Variants in SLIT3 observed in about 807,000 individuals in gnomAD.
SLIT3 encodes the protein slit homolog 3 protein.
In SLIT3, 68 loss-of-function variants were observed where a neutral mutation model predicts 184.0. The observed-to-expected ratio is 0.37, with a 90% CI of 0.30 to 0.45. The LOEUF (loss-of-function observed/expected upper bound fraction) is 0.45. SLIT3 is among the 20% of genes least tolerant of loss of function. SLIT3 has a pLI of 1.00. For missense variants in SLIT3, 1,707 were observed against 2,026.0 expected (o/e 0.84, Z 3.02); for synonymous variants, 831 against 828.6 (o/e 1.00, Z -0.05).
intron 3 of SLIT3, among the ~76,000 whole-genome samples, chr5:169,236,057 C>T (rs1254160806): frequency 6.6e-6 from 1 of 152,182 alleles, no homozygotes; most frequent in Non-Finnish European, 1.5e-5. Context: ...AGAGAACCTA[C>T]ACAACAAATT....
chr5:168,885,391 G>C (rs888589284), intron 4 of SLIT3, among the ~76,000 whole-genome samples: 10 of 152,188 alleles, frequency 6.6e-5, no homozygotes, highest in African/African-American at 2.2e-4. Flanking sequence ...CCTGGAGTCG[G>C]GGCGCTGAAC....
intron 27 of SLIT3, among the ~76,000 whole-genome samples, chr5:168,697,265 C>T (rs1021655252): frequency 2.6e-5 from 4 of 152,196 alleles, no homozygotes; most frequent in African/African-American, 4.8e-5. Flanking sequence ...TGGCTTCAAA[C>T]GCTGTGGGGC....
At chr5:168,739,031 A>G (rs1451423759) in intron 20 of SLIT3, among the ~76,000 whole-genome samples, 1 of 151,874 alleles carries the variant, frequency 6.6e-6, no homozygotes, top group Admixed American at 6.6e-5. Context: ...AAAACTTTTC[A>G]CTGCCACATT....
intron 4 of SLIT3, among the ~76,000 whole-genome samples, chr5:169,083,533 T>C (rs1352988417): frequency 6.6e-6 from 1 of 152,218 alleles, no homozygotes; most frequent in African/African-American, 2.4e-5. Context: ...AGGTTGCACA[T>C]TGGCAAACAG....
chr5:168,988,119 A>G (rs1394016973), intron 4 of SLIT3, among the ~76,000 whole-genome samples: 1 of 152,176 alleles, frequency 6.6e-6, no homozygotes, highest in Non-Finnish European at 1.5e-5. Context: ...GGTGTCAGGG[A>G]GTCTGGTGAA....
intron 4 of SLIT3, among the ~76,000 whole-genome samples, chr5:168,960,564 C>T (rs898430865): frequency 9.2e-5 from 14 of 152,192 alleles, no homozygotes; most frequent in African/African-American, 3.1e-4. Context: ...CTATTTGACT[C>T]CAAAGTGCCA....
At chr5:168,942,365 A>G (rs1291958774) in intron 4 of SLIT3, among the ~76,000 whole-genome samples, 1 of 152,244 alleles carries the variant, frequency 6.6e-6, no homozygotes, top group Non-Finnish European at 1.5e-5. Flanking sequence ...TTATTAAAAA[A>G]GCCATTTTGA....
intron 4 of SLIT3, among the ~76,000 whole-genome samples, chr5:168,975,816 A>G (rs1667972386): frequency 6.6e-6 from 1 of 151,916 alleles, no homozygotes; most frequent in African/African-American, 2.4e-5. Context: ...CCCAATCCCT[A>G]CCTCCAAATG....
At chr5:168,911,400 G>T (rs1761249979) in intron 4 of SLIT3, among the ~76,000 whole-genome samples, 1 of 152,070 alleles carries the variant, frequency 6.6e-6, no homozygotes, top group African/African-American at 2.4e-5. Context: ...GGATTTAAAG[G>T]TACTTTCTAT....
At chr5:168,819,412 G>A (rs2113661429) in intron 7 of SLIT3, among the ~76,000 whole-genome samples, 1 of 152,360 alleles carries the variant, frequency 6.6e-6, no homozygotes, top group Middle Eastern at 3.4e-3. Flanking sequence ...CCACAGGGCA[G>A]CCTGCCGTGG....
intron 5 of SLIT3, among the ~76,000 whole-genome samples, chr5:168,851,247 C>T (rs963738883): frequency 1.1e-4 from 16 of 147,254 alleles, no homozygotes; most frequent in Middle Eastern, 7.3e-3. Flanking sequence ...GGCGTGAACC[C>T]GGGAGGCGGA....
intron 12 of SLIT3, among the ~76,000 whole-genome samples, chr5:168,776,187 GC>G (rs1368173392): frequency 6.6e-6 from 1 of 152,154 alleles, no homozygotes; most frequent in Non-Finnish European, 1.5e-5. Flanking sequence ...CGGTGGGGCT[GC>G]CCATGGTGCT....
intron 10 of SLIT3, chr5:168,790,853 G>C (rs902630119): frequency 1.3e-5 from 2 of 152,214 alleles, no homozygotes; most frequent in African/African-American, 4.8e-5. Flanking sequence ...TCTTCTAATA[G>C]ATTTCAAAAG....
chr5:168,975,401 G>T (rs111334647), intron 4 of SLIT3, among the ~76,000 whole-genome samples: 35 of 152,050 alleles, frequency 2.3e-4, no homozygotes, highest in Non-Finnish European at 4.1e-4. Context: ...TCTGGACCAT[G>T]TCAGTCCAGC....
intron 1 of SLIT3, among the ~76,000 whole-genome samples, chr5:169,284,978 A>G (rs1032605617): frequency 6.6e-6 from 1 of 152,036 alleles, no homozygotes; most frequent in African/African-American, 2.4e-5. Context: ...TGGTGCAATC[A>G]TGGCTCACTG....
At chr5:168,706,653 T>G (rs1762379691) in intron 26 of SLIT3, 1 of 152,220 alleles carries the variant, frequency 6.6e-6, no homozygotes, top group Non-Finnish European at 1.5e-5. Context: ...GCTTATGAAA[T>G]GACGGTGTAT....
Position 169,084,894 on chromosome 5 carries a change from G to A in SLIT3, c.413+108585C>T, listed in dbSNP as rs113791199. Among the ~76,000 whole-genome samples the A allele has an allele frequency of 1.2e-3, 179 of 152,232 alleles. 1 individual carries two copies. Among genetic ancestry groups the A allele is most frequent in the African/African-American group, 4.2e-3 (175 of 41,550 alleles). On this transcript the variant is annotated intron_variant, in intron 4 of 35. Transcript: ENST00000519560. ...CCTAATCCACACAAAGGCTCCCATG[G>A]GCCAGGGGAGCCCAGTTCCCTCCAC...
chr5:168,923,113 C>A (rs1405483164), intron 4 of SLIT3, among the ~76,000 whole-genome samples: 1 of 152,120 alleles, frequency 6.6e-6, no homozygotes, highest in Non-Finnish European at 1.5e-5. Context: ...AGCTCGGAAC[C>A]TTTAGGACTG....
intron 2 of SLIT3, among the ~76,000 whole-genome samples, chr5:169,245,962 A>C (rs142285261): frequency 6.6e-6 from 1 of 152,196 alleles, no homozygotes; most frequent in African/African-American, 2.4e-5. Context: ...CAGGCACTTC[A>C]TAAATCCTTA....
Sources: gnomAD v4.1 joint callset for allele counts (sites outside exome capture counted in the v4.1 genomes callset) on GRCh38, gnomAD v4.1.1 for gene constraint, MANE v1.5 for transcripts, NCBI Gene and HGNC (gene_info 2026-07-23, HGNC 2026-07-21) for gene names.